The following SND1 variants were observed in gnomAD, a reference collection of about 807,000 sequenced individuals.
The protein encoded by SND1 is staphylococcal nuclease and tudor domain containing 1.
A neutral mutation model predicts 121.7 loss-of-function variants in SND1; 38 were observed. The ratio of observed to expected loss-of-function variants is 0.31; its 90% CI spans 0.24 to 0.41. The LOEUF (loss-of-function observed/expected upper bound fraction) is 0.41. Ranked by LOEUF, SND1 falls within the 10% of genes least tolerant of loss-of-function variation. SND1 has a pLI of 1.00. For missense variants in SND1, 868 were observed against 1,184.6 expected (o/e 0.73, Z 3.92); for synonymous variants, 401 against 447.4 (o/e 0.90, Z 1.31).
At chr7:127,885,784 T>C (rs1469047658) in intron 12 of SND1, among the ~76,000 whole-genome samples, 1 of 152,146 alleles carries the variant, frequency 6.6e-6, no homozygotes, top group Non-Finnish European at 1.5e-5. Flanking sequence ...CCAAACCCCA[T>C]GTATTTACTG....
At chr7:128,081,827 T>A (rs1360679034) in intron 18 of SND1, 2 of 562,110 alleles carry the variant, frequency 3.6e-6, no homozygotes, top group African/African-American at 3.8e-5. Flanking sequence ...TGTTCCTACA[T>A]ACCCCTGGCT....
At chr7:128,064,839 T>G (rs1211609751) in intron 16 of SND1, among the ~76,000 whole-genome samples, 2 of 152,128 alleles carry the variant, frequency 1.3e-5, no homozygotes, top group Non-Finnish European at 2.9e-5. Context: ...AAAAGAAAGT[T>G]TCCAAAAGGA....
intron 16 of SND1, among the ~76,000 whole-genome samples, chr7:128,013,797 C>T (rs1402873043): frequency 6.6e-6 from 1 of 152,228 alleles, no homozygotes; most frequent in Non-Finnish European, 1.5e-5. Flanking sequence ...CCGCCTACCA[C>T]TCACCTCCTT....
At chr7:127,911,925 G>A (rs1800466913) in intron 14 of SND1, among the ~76,000 whole-genome samples, 1 of 152,128 alleles carries the variant, frequency 6.6e-6, no homozygotes, top group Non-Finnish European at 1.5e-5. Context: ...TATGATGGAA[G>A]ACATAGCTTT....
At chr7:127,979,370 G>A in intron 15 of SND1, among the ~76,000 whole-genome samples, 1 of 152,234 alleles carries the variant, frequency 6.6e-6, no homozygotes. Flanking sequence ...GGGAGGGGAA[G>A]GGGCAGGTAG....
intron 10 of SND1, among the ~76,000 whole-genome samples, chr7:127,729,506 T>C (rs1029940404): frequency 1.7e-4 from 26 of 150,524 alleles, no homozygotes; most frequent in Non-Finnish European, 3.7e-4. Context: ...AGTCATCCAG[T>C]GCTTCGCATT....
rs555072372 is a variant in SND1, at chr7:127,923,797, T to TCACCATA, written c.1528-5373_1528-5367dup. The stretch of plus-strand genomic sequence containing the variant: ...CATAGATAACGATGGCAGTGAATGA[T>TCACCATA]CACCATACACCATACACCATACACA... On this transcript the variant is annotated intron_variant, in intron 14 of 23. Transcript: ENST00000354725. 9.2e-4 allele frequency among the ~76,000 whole-genome samples: 140 copies of TCACCATA among 152,282 alleles called. 3 individuals carry two copies. The South Asian group carries it at 0.027, about 29-fold the overall frequency.
chr7:127,999,984 A>G (rs988508613), intron 16 of SND1: 1 of 149,740 alleles, frequency 6.7e-6, no homozygotes, highest in African/African-American at 2.5e-5. Flanking sequence ...TCATTTTGAT[A>G]TATCAGGTGC....
chr7:127,779,719 G>A (rs1797683504), intron 10 of SND1, among the ~76,000 whole-genome samples: 1 of 152,202 alleles, frequency 6.6e-6, no homozygotes, highest in Non-Finnish European at 1.5e-5. Context: ...CACCCACTGA[G>A]CAATACACAA....
intron 2 of SND1, among the ~76,000 whole-genome samples, chr7:127,687,494 G>A (rs1795833687): frequency 6.6e-6 from 1 of 151,942 alleles, no homozygotes; most frequent in Admixed American, 6.6e-5. Context: ...GGAGTCCCCA[G>A]TGTCTATTAT....
chr7:127,687,469 T>C (rs529298645), intron 2 of SND1, among the ~76,000 whole-genome samples: 2 of 152,272 alleles, frequency 1.3e-5, no homozygotes, highest in South Asian at 4.2e-4. Flanking sequence ...CCCCCCTCAC[T>C]CCTTCTCCCC....
At chr7:127,777,488 GA>G (rs1797642772) in intron 10 of SND1, among the ~76,000 whole-genome samples, 3 of 152,212 alleles carry the variant, frequency 2.0e-5, no homozygotes, top group Admixed American at 2.0e-4. Context: ...TGGATAAATT[GA>G]AGAGGAAGTT....
At chr7:128,089,919 G>A (rs1463955453) in intron 22 of SND1, 2 of 528,858 alleles carry the variant, frequency 3.8e-6, no homozygotes, top group East Asian at 3.4e-5. Context: ...GCAAACTAGA[G>A]CGGAAAGCTT....
chr7:127,736,495 A>G (rs1291031859), intron 10 of SND1, among the ~76,000 whole-genome samples: 1 of 152,184 alleles, frequency 6.6e-6, no homozygotes, highest in East Asian at 1.9e-4. Context: ...TCCAATTTTT[A>G]TGATTATATC....
chr7:127,687,709 A>G (rs1795839472), intron 2 of SND1, among the ~76,000 whole-genome samples: 1 of 151,906 alleles, frequency 6.6e-6, no homozygotes, highest in Admixed American at 6.6e-5. Context: ...TTGTTTTGAG[A>G]CAAGGTCTCT....
chr7:127,775,738 G>T (rs1797608039), intron 10 of SND1, among the ~76,000 whole-genome samples: 1 of 151,876 alleles, frequency 6.6e-6, no homozygotes, highest in African/African-American at 2.4e-5. Flanking sequence ...TTTTGAGATG[G>T]GGTCTTGCTA....
intron 15 of SND1, among the ~76,000 whole-genome samples, chr7:127,941,869 T>C (rs920610659): frequency 6.6e-6 from 1 of 151,652 alleles, no homozygotes; most frequent in African/African-American, 2.4e-5. Context: ...TTACTCTTGA[T>C]TCTTATTGTT....
At chr7:128,091,639 C>T (rs953199058) in intron 22 of SND1, among the ~76,000 whole-genome samples, 198 bp from the exon 23 acceptor site, 1 of 152,134 alleles carries the variant, frequency 6.6e-6, no homozygotes, top group Non-Finnish European at 1.5e-5. Flanking sequence ...GACAGAAGAG[C>T]TAGTGCGAAG....
intron 13 of SND1, among the ~76,000 whole-genome samples, chr7:127,894,906 C>T (rs1205054845): frequency 1.3e-5 from 2 of 151,564 alleles, no homozygotes; most frequent in African/African-American, 2.4e-5. Flanking sequence ...CTTTACAAAG[C>T]ATGCAATCTC....
Sources: allele counts gnomAD v4.1 joint callset (sites outside exome capture counted in the v4.1 genomes callset), GRCh38; gene constraint gnomAD v4.1.1; transcripts MANE v1.5; gene names NCBI Gene and HGNC (gene_info 2026-07-23, HGNC 2026-07-21).